Variants in GALNT7 observed in about 807,000 individuals in gnomAD.
The protein encoded by GALNT7 is N-acetylgalactosaminyltransferase 7.
Under a neutral mutation model 82.1 loss-of-function variants are expected in GALNT7, and 60 were observed. The ratio of observed to expected loss-of-function variants is 0.73; its 90% CI spans 0.59 to 0.91. The LOEUF (loss-of-function observed/expected upper bound fraction) is 0.91. GALNT7 is among the 40% of genes least tolerant of loss of function. GALNT7 has a pLI of 0.00. For synonymous variants in GALNT7, 243 were observed against 275.1 expected, an observed-to-expected ratio of 0.88 and a Z score of 1.15; for missense variants, 660 against 804.2, an observed-to-expected ratio of 0.82 and a Z score of 2.17.
At chr4:173,196,420 C>G (rs527366064) in intron 1 of GALNT7, among the ~76,000 whole-genome samples, 2 of 152,198 alleles carry the variant, frequency 1.3e-5, no homozygotes, top group Admixed American at 6.5e-5. Flanking sequence ...CCACCAAGCC[C>G]GGCCCAGAAT....
At chr4:173,318,128 C>A (rs1288672497) in intron 10 of GALNT7, among the ~76,000 whole-genome samples, 1 of 152,104 alleles carries the variant, frequency 6.6e-6, no homozygotes, top group Non-Finnish European at 1.5e-5. Flanking sequence ...TATATATTCT[C>A]TTACTTATGT....
At chr4:173,223,027 A>T (rs961795848) in intron 1 of GALNT7, among the ~76,000 whole-genome samples, 1 of 152,154 alleles carries the variant, frequency 6.6e-6, no homozygotes, top group Non-Finnish European at 1.5e-5. Flanking sequence ...CTAAAAAAAA[A>T]TTTCATCCTA....
chr4:173,192,729 C>T (rs148807200), intron 1 of GALNT7, among the ~76,000 whole-genome samples: 48 of 152,300 alleles, frequency 3.2e-4, no homozygotes, highest in African/African-American at 9.1e-4. Flanking sequence ...ATCCTCTCCA[C>T]GTATAAAATT....
intron 1 of GALNT7, among the ~76,000 whole-genome samples, chr4:173,197,302 G>C (rs541181939): frequency 6.6e-6 from 1 of 152,148 alleles, no homozygotes; most frequent in Non-Finnish European, 1.5e-5. Flanking sequence ...TAAGAGGGTA[G>C]AGGGTAGTAT....
intron 9 of GALNT7, among the ~76,000 whole-genome samples, chr4:173,315,570 C>A (rs1163087040): frequency 6.6e-6 from 1 of 152,180 alleles, no homozygotes; most frequent in Non-Finnish European, 1.5e-5. Context: ...TCAGAAACGC[C>A]AGCATTTAGA....
At chr4:173,175,649 G>A (rs1410220844) in intron 1 of GALNT7, among the ~76,000 whole-genome samples, 1 of 152,134 alleles carries the variant, frequency 6.6e-6, no homozygotes, top group Non-Finnish European at 1.5e-5. Context: ...TGGGTTTATC[G>A]GTGTGTAACC....
At chr4:173,219,201 CACTTATGAGTGAGAG>C (rs949498023) in intron 1 of GALNT7, among the ~76,000 whole-genome samples, 5 of 152,200 alleles carry the variant, frequency 3.3e-5, no homozygotes, top group African/African-American at 1.2e-4. Flanking sequence ...GCTTAGCTCT[CACTTATGAGTGAGAG>C]CATATGATGT....
At chr4:173,235,078 A>G (rs1264656943) in intron 1 of GALNT7, among the ~76,000 whole-genome samples, 1 of 152,134 alleles carries the variant, frequency 6.6e-6, no homozygotes, top group Non-Finnish European at 1.5e-5. Flanking sequence ...TAACCCTTGA[A>G]TCTGTCCACT....
At chr4:173,318,385 C>T (rs374803068) in intron 10 of GALNT7, 46 bp from the exon 11 acceptor site, 56 of 1,511,076 alleles carry the variant, frequency 3.7e-5, no homozygotes, top group Non-Finnish European at 4.8e-5. Context: ...TGCACATCAG[C>T]AGGGAAGGTG....
chr4:173,268,862 A>G (rs1025715935), intron 2 of GALNT7, among the ~76,000 whole-genome samples: 4 of 152,038 alleles, frequency 2.6e-5, no homozygotes, highest in Non-Finnish European at 5.9e-5. Context: ...ATGAGCAGAA[A>G]CAAGAAACAG....
intron 1 of GALNT7, among the ~76,000 whole-genome samples, chr4:173,223,769 T>C (rs928340234): frequency 6.6e-6 from 1 of 152,238 alleles, no homozygotes; most frequent in East Asian, 1.9e-4. Flanking sequence ...TAGCTGTTAA[T>C]ATTTTAACAA....
At chr4:173,222,730 A>G (rs1307351873) in intron 1 of GALNT7, among the ~76,000 whole-genome samples, 1 of 152,148 alleles carries the variant, frequency 6.6e-6, no homozygotes, top group African/African-American at 2.4e-5. Context: ...ATTGCTATTT[A>G]CCTGCGATTA....
intron 2 of GALNT7, among the ~76,000 whole-genome samples, chr4:173,254,109 C>G (rs1734940327): frequency 6.6e-6 from 1 of 152,152 alleles, no homozygotes; most frequent in African/African-American, 2.4e-5. Context: ...ATCTTAGTTG[C>G]AATTACAAAG....
At chr4:173,307,561 C>G (rs1737205993) in intron 8 of GALNT7, among the ~76,000 whole-genome samples, 1 of 152,166 alleles carries the variant, frequency 6.6e-6, no homozygotes, top group Non-Finnish European at 1.5e-5. Flanking sequence ...TGTGAAGTAG[C>G]TTTTAGAGCC....
chr4:173,205,941 TA>T (rs1258612986), intron 1 of GALNT7, among the ~76,000 whole-genome samples: 1 of 152,014 alleles, frequency 6.6e-6, no homozygotes, highest in Non-Finnish European at 1.5e-5. Flanking sequence ...CCTGCCAGGC[TA>T]GCCTAGAGCC....
intron 1 of GALNT7, among the ~76,000 whole-genome samples, chr4:173,240,357 ATTTTTTTTTTT>A (rs869162691): frequency 2.2e-3 from 228 of 104,144 alleles, no homozygotes; most frequent in Admixed American, 2.6e-3. Flanking sequence ...ACACTGGCTA[ATTTTTTTTTTT>A]TTTTTTTTTT....
chr4:173,175,871 G>C (rs970348471), intron 1 of GALNT7, among the ~76,000 whole-genome samples: 4 of 152,120 alleles, frequency 2.6e-5, no homozygotes, highest in Admixed American at 2.6e-4. Context: ...TCCGGAGTTT[G>C]AGACCAGCCT....
chr4:173,223,033 T>A (rs186508974), intron 1 of GALNT7, among the ~76,000 whole-genome samples: 41 of 152,316 alleles, frequency 2.7e-4, no homozygotes, highest in Non-Finnish European at 3.7e-4. Context: ...AAAAATTTCA[T>A]CCTAGCCTCA....
chr4:173,268,308 C>T (rs1735581817), intron 2 of GALNT7: 1 of 152,090 alleles, frequency 6.6e-6, no homozygotes, highest in South Asian at 2.1e-4. Flanking sequence ...ACATTGAACT[C>T]AGGGCCAATA....
Sources: allele counts gnomAD v4.1 joint callset (sites outside exome capture counted in the v4.1 genomes callset), GRCh38; gene constraint gnomAD v4.1.1; transcripts MANE v1.5; gene names NCBI Gene and HGNC (gene_info 2026-07-23, HGNC 2026-07-21).